Variants in DLGAP2 observed in about 807,000 individuals in gnomAD.
The protein encoded by DLGAP2 is disks large-associated protein 2.
Under a neutral mutation model 100.3 loss-of-function variants are expected in DLGAP2, and 26 were observed. That is an observed-to-expected ratio of 0.26 (90% CI 0.19 to 0.36). DLGAP2 has a LOEUF of 0.36. Among genes scored for constraint, DLGAP2 ranks in the 10% least tolerant of loss-of-function variants. The probability of loss-of-function intolerance (pLI) is 1.00; values close to 1 mark genes in which losing one functional copy is unlikely to be tolerated. For synonymous variants in DLGAP2, 886 were observed against 630.1 expected, an observed-to-expected ratio of 1.41 and a Z score of -6.08; for missense variants, 1,858 against 1,453.2, an observed-to-expected ratio of 1.28 and a Z score of -4.53.
chr8:1,602,484 C>T (rs1394667422), intron 6 of DLGAP2, among the ~76,000 whole-genome samples: 1 of 152,220 alleles, frequency 6.6e-6, no homozygotes, highest in Admixed American at 6.5e-5. Flanking sequence ...GCCATGTTGC[C>T]CAGAGCTAGC....
chr8:1,240,270 GTCTA>G (rs1798757827), intron 2 of DLGAP2, among the ~76,000 whole-genome samples: 1 of 110,506 alleles, frequency 9.0e-6, no homozygotes, highest in Non-Finnish European at 2.1e-5. Flanking sequence ...ATGGCGCCGT[GTCTA>G]GTTCTGTTAC....
chr8:965,561 C>G (rs1444265384), intron 2 of DLGAP2, among the ~76,000 whole-genome samples: 2 of 144,106 alleles, frequency 1.4e-5, no homozygotes, highest in African/African-American at 2.6e-5. Flanking sequence ...GCTCCTGAGC[C>G]CAACCCCCGC....
intron 6 of DLGAP2, among the ~76,000 whole-genome samples, chr8:1,572,663 C>T (rs1802777646): frequency 1.2e-5 from 1 of 84,688 alleles, no homozygotes; most frequent in Non-Finnish European, 2.3e-5. Context: ...ACTGGAGGGG[C>T]ATCTTCTGGG....
intron 2 of DLGAP2, among the ~76,000 whole-genome samples, chr8:1,083,482 T>A (rs1280695461): frequency 5.9e-5 from 9 of 152,212 alleles, no homozygotes. Context: ...GTTGACCTTT[T>A]AGTGCCCAAA....
intron 4 of DLGAP2, among the ~76,000 whole-genome samples, chr8:1,543,368 A>AT: frequency 6.6e-6 from 1 of 152,256 alleles, no homozygotes; most frequent in East Asian, 1.9e-4. Flanking sequence ...ATTTTTGCAG[A>AT]TTTTGTAAGA....
intron 1 of DLGAP2, among the ~76,000 whole-genome samples, chr8:748,159 CGGG>C (rs1820694754): frequency 1.6e-3 from 35 of 22,026 alleles, no homozygotes; most frequent in African/African-American, 6.0e-3. Flanking sequence ...GTGGGATGGG[CGGG>C]TCTGCGGTGG....
intron 2 of DLGAP2, among the ~76,000 whole-genome samples, chr8:998,192 A>G (rs1800841941): frequency 6.6e-6 from 1 of 152,264 alleles, no homozygotes; most frequent in Non-Finnish European, 1.5e-5. Flanking sequence ...GCATGCACAC[A>G]TAAATACACA....
intron 4 of DLGAP2, among the ~76,000 whole-genome samples, chr8:1,538,106 G>T (rs1475625901): frequency 1.3e-5 from 2 of 152,106 alleles, no homozygotes; most frequent in Admixed American, 1.3e-4. Flanking sequence ...GATGCTGCTG[G>T]GGCTGCCGAG....
intron 3 of DLGAP2, among the ~76,000 whole-genome samples, chr8:1,317,947 G>A (rs544454177): frequency 3.1e-5 from 2 of 63,866 alleles, no homozygotes; most frequent in Non-Finnish European, 2.9e-5. Context: ...AAAATAGAGC[G>A]TGTGCGAGTG....
At chr8:1,534,999 C>T (rs1163290084) in intron 4 of DLGAP2, among the ~76,000 whole-genome samples, 3 of 152,242 alleles carry the variant, frequency 2.0e-5, no homozygotes, top group African/African-American at 7.2e-5. Flanking sequence ...CCAGAGCGCA[C>T]TGTTTTCGTG....
chr8:948,044 T>C (rs1274125117), intron 2 of DLGAP2, among the ~76,000 whole-genome samples: 1 of 95,796 alleles, frequency 1.0e-5, no homozygotes, highest in Admixed American at 9.5e-5. Flanking sequence ...GCGTGCGTCA[T>C]GACCCCACCG....
chr8:1,672,423 T>TG, intron 10 of DLGAP2, among the ~76,000 whole-genome samples: 1 of 152,280 alleles, frequency 6.6e-6, no homozygotes, highest in African/African-American at 2.4e-5. Flanking sequence ...AGATGGGGTT[T>TG]CACCATGTTA....
intron 12 of DLGAP2, among the ~76,000 whole-genome samples, chr8:1,687,725 T>C (rs1211597968): frequency 6.6e-6 from 1 of 152,244 alleles, no homozygotes; most frequent in African/African-American, 2.4e-5. Context: ...AACAGTTCAG[T>C]TGAATTCCAT....
At chr8:1,018,655 C>G (rs548778196) in intron 2 of DLGAP2, 3 of 152,332 alleles carry the variant, frequency 2.0e-5, no homozygotes, top group Admixed American at 1.3e-4. Context: ...ATTAAGTAAT[C>G]TGTGATATTT....
In DLGAP2 at chr8:1,289,783, G is replaced by A. The variant is rs555923674; in HGVS notation, c.106+30900G>A. On this transcript the variant is annotated intron_variant, in intron 3 of 14. Transcript: ENST00000637795. ...GCGAATGCAGGAATTGCTCTGCTGC[G>A]GACCACAGATGAGGAGGAGGAGAAC... Among the ~76,000 whole-genome samples, 13 of 152,272 alleles carry A rather than the reference G, an allele frequency of 8.5e-5. No individual in the cohort carries two copies. The East Asian group carries it at 1.2e-3, about 14-fold the overall frequency.
At chr8:1,343,673 C>A (rs557121156) in intron 3 of DLGAP2, among the ~76,000 whole-genome samples, 12 of 151,488 alleles carry the variant, frequency 7.9e-5, no homozygotes, top group African/African-American at 2.7e-4. Context: ...AATGGTTCCG[C>A]AGTCAGCTTT....
intron 2 of DLGAP2, among the ~76,000 whole-genome samples, chr8:1,113,053 A>G (rs1332220794): frequency 2.6e-5 from 4 of 152,002 alleles, no homozygotes; most frequent in Non-Finnish European, 4.4e-5. Flanking sequence ...ATTCGGTTCC[A>G]TTGGTCTGTG....
chr8:983,959 C>T (rs1029442206), intron 2 of DLGAP2, among the ~76,000 whole-genome samples: 26 of 152,088 alleles, frequency 1.7e-4, no homozygotes, highest in African/African-American at 6.0e-4. Flanking sequence ...TTGCTAATGC[C>T]CGGTGTGGTG....
chr8:1,250,653 G>C (rs959172539), intron 2 of DLGAP2: 1 of 151,978 alleles, frequency 6.6e-6, no homozygotes, highest in Non-Finnish European at 1.5e-5. Flanking sequence ...TGACTTTCAC[G>C]GTTGTTCCTA....
Sources: gnomAD v4.1 joint callset for allele counts (sites outside exome capture counted in the v4.1 genomes callset) on GRCh38, gnomAD v4.1.1 for gene constraint, MANE v1.5 for transcripts, NCBI Gene and HGNC (gene_info 2026-07-23, HGNC 2026-07-21) for gene names.